ARB2A: variants seen among roughly 807,000 people sequenced by gnomAD.
ARB2A encodes cotranscriptional regulator ARB2A.
At chr5:93,905,687 A>T in the ARB2A span, among the ~76,000 whole-genome samples, 3 of 151,642 alleles carry the variant, frequency 2.0e-5, no homozygotes, top group South Asian at 4.1e-4. Flanking sequence ...TAACTCAGTT[A>T]TTATGTTAAC....
At chr5:93,694,770 G>A in the ARB2A span, among the ~76,000 whole-genome samples, 7 of 152,070 alleles carry the variant, frequency 4.6e-5, no homozygotes, top group South Asian at 2.1e-4. Flanking sequence ...GAGGCATCAC[G>A]CTACCTGATT....
chr5:93,888,498 T>G, the ARB2A span, among the ~76,000 whole-genome samples: 2 of 151,862 alleles, frequency 1.3e-5, no homozygotes, highest in Non-Finnish European at 2.9e-5. Context: ...CTATTCCTCA[T>G]GCTAGTTATG....
chr5:93,943,644 T>A, the ARB2A span, among the ~76,000 whole-genome samples: 1 of 152,186 alleles, frequency 6.6e-6, no homozygotes, highest in Non-Finnish European at 1.5e-5. Context: ...ACCAAGTTTG[T>A]CAAATACTTA....
At chr5:94,073,852 T>C in the ARB2A span, among the ~76,000 whole-genome samples, 1 of 152,140 alleles carries the variant, frequency 6.6e-6, no homozygotes, top group Non-Finnish European at 1.5e-5. Context: ...TTTCTATTTA[T>C]TGAAACAGCT....
At chr5:93,709,494 G>A in the ARB2A span, among the ~76,000 whole-genome samples, 1 of 151,534 alleles carries the variant, frequency 6.6e-6, no homozygotes, top group African/African-American at 2.4e-5. Flanking sequence ...TTAGCTGGGC[G>A]TGGAGGTGTG....
At chr5:93,930,570 T>C in the ARB2A span, among the ~76,000 whole-genome samples, 1 of 152,040 alleles carries the variant, frequency 6.6e-6, no homozygotes, top group Non-Finnish European at 1.5e-5. Flanking sequence ...TAGGCAGAGA[T>C]TAGGGAGAAG....
chr5:93,988,882 G>T, the ARB2A span, among the ~76,000 whole-genome samples: 1 of 152,140 alleles, frequency 6.6e-6, no homozygotes, highest in Non-Finnish European at 1.5e-5. Flanking sequence ...AATAAGTCAT[G>T]AAGTCTGGAT....
chr5:93,900,703 T>C, the ARB2A span, among the ~76,000 whole-genome samples: 1 of 151,934 alleles, frequency 6.6e-6, no homozygotes, highest in African/African-American at 2.4e-5. Context: ...ACAATAACTT[T>C]AAGCATTTTT....
chr5:93,872,686 G>A, the ARB2A span, among the ~76,000 whole-genome samples: 1 of 151,928 alleles, frequency 6.6e-6, no homozygotes, highest in Admixed American at 6.6e-5. Context: ...GGGAGGCTGA[G>A]GCGGGCGGAT....
chr5:93,991,559 C>T, the ARB2A span, among the ~76,000 whole-genome samples: 2 of 149,582 alleles, frequency 1.3e-5, no homozygotes, highest in East Asian at 3.9e-4. Flanking sequence ...AAAATAAAAG[C>T]ATAATGAGAA....
At chr5:93,829,619 A>G in the ARB2A span, among the ~76,000 whole-genome samples, 1 of 152,214 alleles carries the variant, frequency 6.6e-6, no homozygotes, top group Admixed American at 6.5e-5. Context: ...TAACAAAACC[A>G]CAACGTTTAT....
chr5:93,662,030 A>G, the ARB2A span, among the ~76,000 whole-genome samples: 3 of 152,330 alleles, frequency 2.0e-5, no homozygotes, highest in East Asian at 5.8e-4. Context: ...AAGTGGCAAG[A>G]GTAGCTGTTT....
chr5:93,743,777 C>T, the ARB2A span, among the ~76,000 whole-genome samples: 1 of 152,030 alleles, frequency 6.6e-6, no homozygotes, highest in Admixed American at 6.6e-5. Context: ...AGCGATTCCC[C>T]TGCCTCAGCC....
the ARB2A span, among the ~76,000 whole-genome samples, chr5:93,659,842 A>G: frequency 6.6e-6 from 1 of 152,126 alleles, no homozygotes; most frequent in Non-Finnish European, 1.5e-5. Context: ...GTTAACTTAT[A>G]TTCTTGCTTC....
chr5:94,070,355 T>C, the ARB2A span, among the ~76,000 whole-genome samples: 1 of 151,866 alleles, frequency 6.6e-6, no homozygotes. Flanking sequence ...AAGGAAACAA[T>C]GAAGAGAGTT....
chr5:94,060,351 C>CA, the ARB2A span, among the ~76,000 whole-genome samples: 1,425 of 148,846 alleles, frequency 9.6e-3, 22 homozygotes, highest in African/African-American at 0.034. Flanking sequence ...GATTCCATCT[C>CA]AAAAAAAAAG....
At chr5:93,836,843 A>G in the ARB2A span, among the ~76,000 whole-genome samples, 1 of 152,238 alleles carries the variant, frequency 6.6e-6, no homozygotes, top group Non-Finnish European at 1.5e-5. Context: ...GGACCTTGAA[A>G]AATGGCAATT....
At chr5:94,054,216 T>G in the ARB2A span, among the ~76,000 whole-genome samples, 1 of 152,226 alleles carries the variant, frequency 6.6e-6, no homozygotes, top group African/African-American at 2.4e-5. Flanking sequence ...GGTACATTAC[T>G]ACAAACTAAA....
At chr5:94,100,428 G>C in the ARB2A span, among the ~76,000 whole-genome samples, 60 of 152,160 alleles carry the variant, frequency 3.9e-4, 1 homozygote, top group African/African-American at 1.4e-3. Context: ...CACAGAACTA[G>C]AAAAAATTAT....
Sources: gnomAD v4.1 joint callset for allele counts (sites outside exome capture counted in the v4.1 genomes callset) on GRCh38, gnomAD v4.1.1 for gene constraint, MANE v1.5 for transcripts, NCBI Gene and HGNC (gene_info 2026-07-23, HGNC 2026-07-21) for gene names.